Variants in VASN observed in about 807,000 individuals in gnomAD.
VASN encodes protein slit-like 2.
In VASN, 5 loss-of-function variants were observed where a neutral mutation model predicts 4.8. The observed-to-expected ratio is 1.03, with a 90% CI of 0.54 to 2.17. VASN has a LOEUF of 2.17. VASN is among the 30% of genes most tolerant of loss of function. VASN has a pLI of 0.01. For missense variants in VASN, 927 were observed against 948.8 expected (o/e 0.98, Z 0.30); for synonymous variants, 499 against 460.8 (o/e 1.08, Z -1.06).
chr16:4,383,006 G>C lies in VASN; in HGVS notation c.*107G>C. ...TTCTCAGTCCCAACCTCGGGGATGT[G>C]TGCAGACAGGGCTGTGTGACCACAG... is the stretch of plus-strand genomic sequence containing the variant. On this transcript the variant is annotated 3_prime_UTR_variant, in exon 2 of 2. Transcript: ENST00000304735. The C allele has an allele frequency of 8.1e-7, 1 of 1,229,710 alleles. No homozygotes were observed. Among genetic ancestry groups the C allele is most frequent in the Non-Finnish European group, 1.1e-6 (1 of 905,552 alleles). The allele number at this position is 1,229,710 out of a possible 1,614,324, so 76.2% of individuals were successfully genotyped here.
chr16:4,380,458 C>A (rs2404814), intron 1 of VASN, among the ~76,000 whole-genome samples: 3 of 152,262 alleles, frequency 2.0e-5, no homozygotes, highest in Admixed American at 2.0e-4. Context: ...CTTACACACC[C>A]ACCCAGCTGC....
intron 1 of VASN, among the ~76,000 whole-genome samples, chr16:4,373,012 G>T (rs553189319): frequency 2.6e-5 from 4 of 152,292 alleles, no homozygotes; most frequent in Admixed American, 2.6e-4. Flanking sequence ...TGTACTTTGG[G>T]TGTTGAGGGC....
Position 4,381,646 on chromosome 16 carries a change from C to G in VASN, c.769C>G (p.Pro257Ala), listed in dbSNP as rs746845958. The part of the protein sequence containing the change: ...AGNTRIAQLR[P>A]EDLAGLAALQ... ...CAACACCCGCATTGCCCAGCTGCGG[C>G]CCGAGGACCTGGCCGGCCTGGCTGC... The change falls in exon 2 of 2, where the codon CCC becomes GCC. Residue 257 changes from proline to alanine, a missense_variant. Physicochemically the swap from Pro to Ala is conservative, Grantham distance 27. Coordinates refer to ENST00000304735, the MANE Select transcript of VASN (RefSeq NM_138440.3). 1 of 1,601,082 alleles carries G rather than the reference C, an allele frequency of 6.2e-7. No homozygotes were observed. Among genetic ancestry groups the G allele is most frequent in the Non-Finnish European group, 8.5e-7 (1 of 1,174,710 alleles).
Position 4,382,965 on chromosome 16 carries a change from T to C in VASN, c.*66T>C. The stretch of plus-strand genomic sequence containing the variant: ...AGTGAGATGGCCAGCCCCCTCCTGC[T>C]GCCACACCACGTAAGTTCTCAGTCC... On this transcript the variant is annotated 3_prime_UTR_variant, in exon 2 of 2. Transcript: ENST00000304735. The C allele has an allele frequency of 7.0e-7, 1 of 1,426,802 alleles. No individual in the cohort carries two copies. Among genetic ancestry groups the C allele is most frequent in the Non-Finnish European group, 9.3e-7 (1 of 1,080,938 alleles). The allele number at this position is 1,426,802 out of a possible 1,614,324, so 88.4% of individuals were successfully genotyped here. A position where few individuals can be genotyped will look rare whatever the true frequency, so the allele number is the denominator to read the frequency against.
intron 1 of VASN, among the ~76,000 whole-genome samples, chr16:4,374,823 A>AC (rs921524081): frequency 2.6e-5 from 4 of 151,896 alleles, no homozygotes; most frequent in Non-Finnish European, 5.9e-5. Flanking sequence ...TCCTTCTCAG[A>AC]CCCCCAGGCC....
chr16:4,382,975 C>T lies in VASN; in HGVS notation c.*76C>T, dbSNP rs557206727. ...CCAGCCCCCTCCTGCTGCCACACCA[C>T]GTAAGTTCTCAGTCCCAACCTCGGG... is the stretch of plus-strand genomic sequence containing the variant. On this transcript the variant is annotated 3_prime_UTR_variant, in exon 2 of 2. Coordinates refer to ENST00000304735, the MANE Select transcript of VASN (RefSeq NM_138440.3). 5 of 1,409,798 alleles carry T rather than the reference C, an allele frequency of 3.5e-6. No homozygotes were observed. The highest frequency in any genetic ancestry group is 4.7e-6 in the Non-Finnish European group (5 of 1,066,646). 87.3% of individuals were successfully genotyped at this position (1,409,798 alleles called of 1,614,324 possible). A position where few individuals can be genotyped will look rare whatever the true frequency, so the allele number is the denominator to read the frequency against.
At position 4,382,513 on chromosome 16, in the gene VASN, G is replaced by A. The variant is rs2055025151; in HGVS notation, c.1636G>A (p.Gly546Ser). The change falls in exon 2 of 2, where the codon GGC (glycine) becomes AGC (serine). Residue 546 changes from glycine to serine, a missense_variant. Transcript: ENST00000304735. ...TTTGGGGCCCGGGCGGGTGCCGGAG[G>A]GCGAGGAGGCCTGCGGGGAGGCCCA... ...MPLGPGRVPEGEEACGEAHTP... is the reference protein window; with the variant it reads ...MPLGPGRVPESEEACGEAHTP... 1.9e-6 allele frequency: 3 copies of A among 1,592,502 alleles called. No individual in the cohort carries two copies. The highest frequency in any genetic ancestry group is 2.7e-5 in the African/African-American group (2 of 74,600).
chr16:4,382,314 G>A lies in VASN; in HGVS notation c.1437G>A (p.Gly479=). Residue 479 remains glycine, a synonymous_variant, in exon 2 of 2, where the codon GGG becomes GGA. Transcript: ENST00000304735. ...EPVSPTSLRV[G]LQRYLQGSSV... ...TGAGCCCCACCTCCCTGCGCGTGGG[G>A]CTGCAGCGCTACCTCCAGGGGAGCT... The A allele has an allele frequency of 1.2e-6, 2 of 1,610,926 alleles. No homozygotes were observed. The highest frequency in any genetic ancestry group is 1.1e-5 in the South Asian group (1 of 90,722).
chr16:4,373,643 C>T (rs73507276), intron 1 of VASN, among the ~76,000 whole-genome samples: 5,611 of 152,236 alleles, frequency 0.037, 136 homozygotes, highest in Admixed American at 0.091. Flanking sequence ...GCTCCTAGCT[C>T]CCATTACTGT....
intron 1 of VASN, among the ~76,000 whole-genome samples, chr16:4,373,680 C>G (rs1326382751): frequency 1.3e-5 from 2 of 152,134 alleles, no homozygotes; most frequent in African/African-American, 4.8e-5. Context: ...CCCGGGGGAG[C>G]TGGGACAAGT....
At chr16:4,374,303 G>C (rs1460574309) in intron 1 of VASN, among the ~76,000 whole-genome samples, 3 of 152,096 alleles carry the variant, frequency 2.0e-5, no homozygotes, top group African/African-American at 7.2e-5. Flanking sequence ...TTCCCTCCGC[G>C]CTGGGCCGCC....
rs1204237363 is a variant in VASN, at chr16:4,382,823, C to CT, written c.1947dup (p.Glu650Ter). 1 of 1,598,448 alleles carries CT rather than the reference C, an allele frequency of 6.3e-7. No homozygotes were observed. Among genetic ancestry groups the CT allele is most frequent in the Non-Finnish European group, 8.5e-7 (1 of 1,173,642 alleles). The stretch of plus-strand genomic sequence containing the variant: ...GGTGGAGAGGCCCTGCCCAGCGGGT[C>CT]TGAGTGTGAGGTGCCACTCATGGGC... On this transcript the variant is annotated frameshift_variant, in exon 2 of 2. Coordinates refer to ENST00000304735, the MANE Select transcript of VASN (RefSeq NM_138440.3). LOFTEE classifies it high-confidence loss of function.
chr16:4,380,940 G>A lies in VASN; in HGVS notation c.63G>A (p.Val21=), dbSNP rs527729684. The A allele has an allele frequency of 1.5e-5, 24 of 1,596,070 alleles. No homozygotes were observed. Among genetic ancestry groups the A allele is most frequent in the Admixed American group, 3.4e-5 (2 of 59,122 alleles). ...TGCTACTGGCCCTGGGGCCTGGGGT[G>A]CAGGGCTGCCCATCCGGCTGCCAGT... is the stretch of plus-strand genomic sequence containing the variant. ...LLLLLALGPG[V]QGCPSGCQCS... The change falls in exon 2 of 2, where the codon GTG becomes GTA. Residue 21 remains valine (V), a synonymous_variant. Coordinates refer to ENST00000304735, the MANE Select transcript of VASN (RefSeq NM_138440.3).
At chr16:4,377,019 A>T (rs2054757294) in intron 1 of VASN, among the ~76,000 whole-genome samples, 1 of 152,166 alleles carries the variant, frequency 6.6e-6, no homozygotes, top group African/African-American at 2.4e-5. Flanking sequence ...GTCACCCCAG[A>T]CACAGGCACC....
intron 1 of VASN, among the ~76,000 whole-genome samples, chr16:4,375,430 C>T (rs1157227377): frequency 1.3e-5 from 2 of 152,242 alleles, no homozygotes; most frequent in South Asian, 2.1e-4. Context: ...CCTGGCTGTG[C>T]GGAGGACTCG....
intron 1 of VASN, among the ~76,000 whole-genome samples, chr16:4,374,574 G>T (rs956887914): frequency 6.6e-6 from 1 of 152,164 alleles, no homozygotes; most frequent in African/African-American, 2.4e-5. Context: ...GCGGCCGCTG[G>T]GGCCCCTGCT....
Position 4,382,864 on chromosome 16 carries a change from C to T in VASN, c.1987C>T (p.Leu663Phe). The change falls in exon 2 of 2, where the codon CTC becomes TTC. Residue 663 changes from leucine to phenylalanine, a missense_variant. Transcript: ENST00000304735. ...ACTCATGGGCTTCCCAGGGCCTGGC[C>T]TCCAGTCACCCCTCCACGCAAAGCC... is the stretch of plus-strand genomic sequence containing the variant. ...VPLMGFPGPGLQSPLHAKPYI is the reference protein window; with the variant it reads ...VPLMGFPGPGFQSPLHAKPYI The T allele has an allele frequency of 6.4e-7, 1 of 1,567,928 alleles. No individual in the cohort carries two copies. The highest frequency in any genetic ancestry group is 8.6e-7 in the Non-Finnish European group (1 of 1,158,094).
chr16:4,380,854 CCT>C lies in VASN; in HGVS notation c.-9-10_-9-9del, dbSNP rs1306010532. On this transcript the variant is annotated splice_polypyrimidine_tract_variant and intron_variant, in intron 1 of 1. Coordinates refer to ENST00000304735, the MANE Select transcript of VASN (RefSeq NM_138440.3). ...GACTCACAGTCTTCTGTCTCTGCCTCCTCTCTGCTCCCAGGGACAGAAGATGT... is the reference window on the plus strand; with the variant it reads ...GACTCACAGTCTTCTGTCTCTGCCTCCTCTGCTCCCAGGGACAGAAGATGT... The C allele has an allele frequency of 2.0e-6, 3 of 1,472,416 alleles. No homozygotes were observed. The highest frequency in any genetic ancestry group is 2.7e-6 in the Non-Finnish European group (3 of 1,118,470). The allele number at this position is 1,472,416 out of a possible 1,614,324, so 91.2% of individuals were successfully genotyped here.
Position 4,382,351 on chromosome 16 carries a change from A to C in VASN, c.1474A>C (p.Arg492=). ...CCTCCAGGGGAGCTCCGTGCAGCTC[A>C]GGAGCCTCCGTCTCACCTATCGCAA... ...RYLQGSSVQL[R]SLRLTYRNLS... is the part of the protein sequence containing the mutation. Residue 492 remains arginine (R), a synonymous_variant, in exon 2 of 2, where the codon AGG becomes CGG. Transcript: ENST00000304735. 6.2e-7 allele frequency: 1 copy of C among 1,611,964 alleles called. No homozygotes were observed. Among genetic ancestry groups the C allele is most frequent in the East Asian group, 2.2e-5 (1 of 44,858 alleles).
Sources: allele counts gnomAD v4.1 joint callset (sites outside exome capture counted in the v4.1 genomes callset), GRCh38; gene constraint gnomAD v4.1.1; transcripts MANE v1.5; gene names NCBI Gene and HGNC (gene_info 2026-07-23, HGNC 2026-07-21).